Variants in LRRN3 observed in about 807,000 individuals in gnomAD.
LRRN3 encodes leucine-rich repeat neuronal protein 3.
Under a neutral mutation model 40.1 loss-of-function variants are expected in LRRN3, and 15 were observed. The observed-to-expected ratio is 0.37, with a 90% confidence interval of 0.25 to 0.58. LRRN3 has a LOEUF of 0.58. LRRN3 is among the 20% of genes least tolerant of loss of function. LRRN3 has a pLI of 0.72. For missense variants in LRRN3, 746 were observed against 837.7 expected (o/e 0.89, Z 1.35); for synonymous variants, 308 against 297.2 (o/e 1.04, Z -0.37).
chr7:111,097,554 T>C (rs1163209875), intron 1 of LRRN3, among the ~76,000 whole-genome samples: 14 of 151,780 alleles, frequency 9.2e-5, no homozygotes, highest in Admixed American at 1.3e-4. Flanking sequence ...AATAACATTG[T>C]CAACTAACTT....
At chr7:111,098,933 C>T (rs1266630255) in intron 1 of LRRN3, among the ~76,000 whole-genome samples, 1 of 151,738 alleles carries the variant, frequency 6.6e-6, no homozygotes, top group African/African-American at 2.4e-5. Context: ...TTTCTAGTTT[C>T]ATATCATGCA....
Position 111,124,372 on chromosome 7 carries a change from G to A in LRRN3, c.1600G>A (p.Ala534Thr), listed in dbSNP as rs760548600. The change falls in exon 3 of 3, where the codon GCC (alanine) becomes ACC (threonine). Residue 534 changes from alanine to threonine, a missense_variant. Ala to Thr is a moderately conservative substitution (Grantham distance 58). Coordinates refer to ENST00000308478, the MANE Select transcript of LRRN3 (RefSeq NM_001099658.2). ...SLNIKIRDIQ[A>T]NSVLVSWKAS... is the part of the protein sequence containing the mutation. ...GAATATTAAAATAAGAGATATTCAG[G>A]CCAATTCAGTTTTGGTGTCCTGGAA... 1.4e-5 allele frequency: 23 copies of A among 1,613,666 alleles called. No homozygotes were observed. Among genetic ancestry groups the A allele is most frequent in the Non-Finnish European group, 1.9e-5 (23 of 1,179,938 alleles).
intron 1 of LRRN3, among the ~76,000 whole-genome samples, chr7:111,093,400 C>T (rs527639517): frequency 9.9e-5 from 15 of 152,254 alleles, no homozygotes; most frequent in Admixed American, 8.5e-4. Context: ...GAGGTACCTC[C>T]TAAGTTCCTA....
intron 2 of LRRN3, among the ~76,000 whole-genome samples, chr7:111,120,497 TG>T (rs1800464847): frequency 1.3e-5 from 2 of 152,062 alleles, no homozygotes; most frequent in Admixed American, 1.3e-4. Context: ...CCACAACACA[TG>T]GGAATTATCG....
At chr7:111,098,569 T>C (rs1306023109) in intron 1 of LRRN3, among the ~76,000 whole-genome samples, 2 of 151,784 alleles carry the variant, frequency 1.3e-5, no homozygotes, top group African/African-American at 4.8e-5. Flanking sequence ...AATCCTTTAC[T>C]GGCTAAAGGA....
chr7:111,123,294 T>C lies in LRRN3; in HGVS notation c.522T>C (p.Asn174=). The stretch of plus-strand genomic sequence containing the variant: ...TTCTTCGACTTCATCTCAATTCAAA[T>C]AGATTGCAGATGATCAACAGTAAGT... ...HNLLRLHLNS[N]RLQMINSKWF... The change falls in exon 3 of 3, where the codon AAT becomes AAC. Residue 174 remains asparagine (N), a synonymous_variant. Coordinates refer to ENST00000308478, the MANE Select transcript of LRRN3 (RefSeq NM_001099658.2). This position sits in a 1 kb window ranked among gnomAD's most constrained non-coding sequence, Gnocchi z 6.4. The C allele has an allele frequency of 1.2e-6, 2 of 1,613,822 alleles. No individual in the cohort carries two copies. Among genetic ancestry groups the C allele is most frequent in the Non-Finnish European group, 8.5e-7 (1 of 1,179,926 alleles).
intron 2 of LRRN3, among the ~76,000 whole-genome samples, chr7:111,110,058 C>T (rs1799017069): frequency 6.6e-6 from 1 of 152,120 alleles, no homozygotes; most frequent in South Asian, 2.1e-4. Context: ...TCGCTTGAAC[C>T]CAGGAGGTGG....
intron 2 of LRRN3, among the ~76,000 whole-genome samples, chr7:111,118,542 G>A (rs62466668): frequency 0.012 from 1,868 of 151,840 alleles, 25 homozygotes; most frequent in Admixed American, 0.025. Context: ...CAGGCAGATG[G>A]GTCTCAATAA....
At chr7:111,112,102 C>A (rs1799306119) in intron 2 of LRRN3, among the ~76,000 whole-genome samples, 1 of 151,418 alleles carries the variant, frequency 6.6e-6, no homozygotes, top group South Asian at 2.1e-4. Context: ...CGCATGCCAC[C>A]ACACCCGGCT....
intron 1 of LRRN3, among the ~76,000 whole-genome samples, chr7:111,093,669 C>A (rs1431044925): frequency 6.6e-6 from 1 of 152,168 alleles, no homozygotes; most frequent in Non-Finnish European, 1.5e-5. Flanking sequence ...AATGTGCCCA[C>A]TTCAGTCTGA....
rs144099683 is a variant in LRRN3 at position 111,117,094 on chromosome 7, A to C, written c.-358-5321A>C. ...AATAATGGCAGGTAACTAATTTGAT[A>C]GTCTTTAAAAGCCCCATAATGACTA... On this transcript the variant is annotated intron_variant, in intron 2 of 2. Transcript: ENST00000308478. Among the ~76,000 whole-genome samples the C allele has an allele frequency of 1.8e-3, 269 of 152,306 alleles. 7 individuals carry two copies. In the East Asian group the frequency reaches 0.041, roughly 23 times the overall value.
chr7:111,124,504 T>C lies in LRRN3; in HGVS notation c.1732T>C (p.Tyr578His), dbSNP rs1801049401. 3 of 1,613,846 alleles carry C rather than the reference T, an allele frequency of 1.9e-6. 1 individual carries two copies. The highest frequency in any genetic ancestry group is 3.3e-5 in the Admixed American group (2 of 59,938). ...SARIPSDVKV[Y>H]NLTHLNPSTE... ...TCGAATACCATCTGATGTCAAGGTA[T>C]ATAATCTTACTCATCTGAATCCATC... Residue 578 changes from tyrosine (Y) to histidine (H), a missense_variant, in exon 3 of 3, where the codon TAT (tyrosine) becomes CAT (histidine). By Grantham distance (83) the Tyr-to-His change is moderately conservative (BLOSUM62 2). Coordinates refer to ENST00000308478, the MANE Select transcript of LRRN3 (RefSeq NM_001099658.2).
chr7:111,107,940 C>G (rs549569472), intron 2 of LRRN3, among the ~76,000 whole-genome samples: 1 of 152,188 alleles, frequency 6.6e-6, no homozygotes, highest in Non-Finnish European at 1.5e-5. Flanking sequence ...TGAAATTTTG[C>G]ACCAAAAATA....
At position 111,112,326 on chromosome 7, in the gene LRRN3, C is replaced by A. The variant is rs1449622084; in HGVS notation, c.-358-10089C>A. 4.6e-5 allele frequency among the ~76,000 whole-genome samples: 7 copies of A among 152,116 alleles called. No individual in the cohort carries two copies. The East Asian group carries it at 1.2e-3, about 25-fold the overall frequency. ...TAATTTCCACACAGGAACTAAATGACAAAGCTTCACTGACCTAGCATACAT... is the reference window on the plus strand; with the variant it reads ...TAATTTCCACACAGGAACTAAATGAAAAAGCTTCACTGACCTAGCATACAT... On this transcript the variant is annotated intron_variant, in intron 2 of 2. Transcript: ENST00000308478.
At chr7:111,100,093 G>A (rs1797810812) in intron 2 of LRRN3, 131 bp downstream of exon 2, 1 of 151,580 alleles carries the variant, frequency 6.6e-6, no homozygotes. Flanking sequence ...GTCTGACTCT[G>A]AAGCCCATGT....
intron 2 of LRRN3, among the ~76,000 whole-genome samples, chr7:111,115,213 T>C (rs1799733613): frequency 6.6e-6 from 1 of 152,210 alleles, no homozygotes; most frequent in Non-Finnish European, 1.5e-5. Context: ...AATAATGTAC[T>C]GTTATGACAT....
chr7:111,107,665 T>C (rs949108966), intron 2 of LRRN3, among the ~76,000 whole-genome samples: 1 of 152,092 alleles, frequency 6.6e-6, no homozygotes, highest in African/African-American at 2.4e-5. Flanking sequence ...AAATATGAAA[T>C]ACAATAGATG....
At chr7:111,104,805 G>C (rs978487515) in intron 2 of LRRN3, among the ~76,000 whole-genome samples, 3 of 151,702 alleles carry the variant, frequency 2.0e-5, no homozygotes, top group African/African-American at 7.3e-5. Context: ...ACCCAGCCTC[G>C]CATCTCATTG....
chr7:111,112,609 T>C (rs1191475185), intron 2 of LRRN3, among the ~76,000 whole-genome samples: 1 of 152,228 alleles, frequency 6.6e-6, no homozygotes, highest in Non-Finnish European at 1.5e-5. Context: ...AAAACTTTTT[T>C]GTATCCTCTG....
Sources: allele counts gnomAD v4.1 joint callset (sites outside exome capture counted in the v4.1 genomes callset), GRCh38; gene constraint gnomAD v4.1.1; non-coding constraint Gnocchi (gnomAD v3.1); transcripts MANE v1.5; gene names NCBI Gene and HGNC (gene_info 2026-07-23, HGNC 2026-07-21).